The following CYB5A variants were observed in gnomAD, a reference collection of about 807,000 sequenced individuals.
The protein encoded by CYB5A is cytochrome b5.
CYB5A carries 10 observed loss-of-function variants against 16.2 expected under a neutral mutation model. The observed-to-expected ratio is 0.62, with a 90% CI of 0.38 to 1.04. The LOEUF (loss-of-function observed/expected upper bound fraction) is 1.04. Ranked by LOEUF, CYB5A falls within the 50% of genes least tolerant of loss-of-function variation. CYB5A has a pLI of 0.01. For synonymous variants in CYB5A, 62 were observed against 57.0 expected (o/e 1.09, Z -0.40); for missense variants, 161 against 165.9 (o/e 0.97, Z 0.16).
At chr18:74,281,028 C>G (rs1198010698) in intron 1 of CYB5A, among the ~76,000 whole-genome samples, 4 of 152,014 alleles carry the variant, frequency 2.6e-5, no homozygotes, top group Admixed American at 2.6e-4. Flanking sequence ...GATGGAGGCT[C>G]CAACCAGGGG....
intron 3 of CYB5A, chr18:74,256,500 C>T (rs1370087068): frequency 2.8e-6 from 1 of 361,590 alleles, no homozygotes; most frequent in African/African-American, 2.1e-5. Flanking sequence ...AGTGAATGGA[C>T]AATGGTTCTG....
At chr18:74,265,467 G>T (rs780347580) in intron 1 of CYB5A, among the ~76,000 whole-genome samples, 2 of 152,196 alleles carry the variant, frequency 1.3e-5, no homozygotes, top group African/African-American at 4.8e-5. Context: ...GGGAAAACAC[G>T]CATGTAGTTT....
At position 74,260,916 on chromosome 18, in the gene CYB5A, G is replaced by T; in HGVS notation, c.287C>A (p.Pro96Gln). The T allele has an allele frequency of 6.2e-7, 1 of 1,611,732 alleles. No homozygotes were observed. The highest frequency in any genetic ancestry group is 8.5e-7 in the Non-Finnish European group (1 of 1,177,960). ...GATACTTGAGATGGTCACACTTACC[G>T]GAGGCTTGTTTAACTTTGGTCTGTC... ...PDDRPKLNKP[P>Q]ETLITTIDSS... is the part of the protein sequence containing the mutation. The change falls in exon 3 of 5, where the codon CCG becomes CAG. Residue 96 changes from proline to glutamine, a missense_variant and splice_region_variant. Pro to Gln is a moderately conservative substitution (Grantham distance 76). Transcript: ENST00000340533.
At chr18:74,265,076 G>A (rs997323302) in intron 1 of CYB5A, among the ~76,000 whole-genome samples, 2 of 152,196 alleles carry the variant, frequency 1.3e-5, no homozygotes, top group Non-Finnish European at 2.9e-5. Flanking sequence ...GTCGACTGTG[G>A]TCAGTCCTTA....
At chr18:74,258,338 G>A (rs1982068521) in intron 3 of CYB5A, 1 of 152,178 alleles carries the variant, frequency 6.6e-6, no homozygotes, top group South Asian at 2.1e-4. Flanking sequence ...CCAAGAAGGG[G>A]TATTGCTACG....
intron 1 of CYB5A, among the ~76,000 whole-genome samples, chr18:74,268,623 CCA>C (rs1982542970): frequency 6.6e-6 from 1 of 152,018 alleles, no homozygotes; most frequent in Non-Finnish European, 1.5e-5. Flanking sequence ...TGCAGCCACT[CCA>C]GAGGGTAGGG....
intron 1 of CYB5A, among the ~76,000 whole-genome samples, chr18:74,289,776 CAA>C (rs531814328): frequency 0.43 from 39,143 of 90,432 alleles, 6,112 homozygotes; most frequent in African/African-American, 0.56. Flanking sequence ...AACTCTGTCT[CAA>C]AAAAAAAAAA....
At chr18:74,284,478 C>G (rs77467869) in intron 1 of CYB5A, among the ~76,000 whole-genome samples, 1 of 151,966 alleles carries the variant, frequency 6.6e-6, no homozygotes, top group Non-Finnish European at 1.5e-5. Context: ...CTGAGGAAGA[C>G]GAGGGAAAGA....
chr18:74,289,819 T>C (rs1015530150), intron 1 of CYB5A, among the ~76,000 whole-genome samples: 1 of 148,076 alleles, frequency 6.8e-6, no homozygotes, highest in Admixed American at 6.7e-5. Flanking sequence ...GTGGTACCGG[T>C]CATCTAGTGG....
chr18:74,262,427 G>T (rs1481943024), intron 2 of CYB5A, among the ~76,000 whole-genome samples: 4 of 145,164 alleles, frequency 2.8e-5, no homozygotes, highest in Non-Finnish European at 4.5e-5. Context: ...CTGCACTCCA[G>T]CCTGGGCAAC....
chr18:74,260,730 T>C (rs1034967798), intron 3 of CYB5A, 185 bp downstream of exon 3: 2 of 670,696 alleles, frequency 3.0e-6, no homozygotes, highest in Non-Finnish European at 5.5e-6. Flanking sequence ...CACGCCATCC[T>C]AACAAATCAT....
intron 1 of CYB5A, among the ~76,000 whole-genome samples, chr18:74,265,178 TCTAAACATAC>T (rs1401982240): frequency 6.6e-6 from 1 of 152,208 alleles, no homozygotes; most frequent in African/African-American, 2.4e-5. Context: ...TCCTACTTGG[TCTAAACATAC>T]CTAGTGCTAA....
chr18:74,282,215 C>T (rs9959887), intron 1 of CYB5A, among the ~76,000 whole-genome samples: 3 of 152,282 alleles, frequency 2.0e-5, no homozygotes, highest in South Asian at 2.1e-4. Context: ...CCAAGGCCTA[C>T]AGAGTAAGAA....
rs563403479 is a variant in CYB5A at position 74,278,105 on chromosome 18, C to A, written c.129+13642G>T. The stretch of plus-strand genomic sequence containing the variant: ...CACTTGTGTGGACCCTTCTAAAGCT[C>A]ATAAGCCCAAGAGGCAGGCATTACC... On this transcript the variant is annotated intron_variant, in intron 1 of 4. Coordinates refer to ENST00000340533, the MANE Select transcript of CYB5A (RefSeq NM_148923.4). Among the ~76,000 whole-genome samples, 11 of 152,296 alleles carry A rather than the reference C, an allele frequency of 7.2e-5. No individual in the cohort carries two copies. The South Asian group carries it at 1.9e-3, about 26-fold the overall frequency.
At chr18:74,255,096 C>G (rs927814996) in intron 4 of CYB5A, among the ~76,000 whole-genome samples, 2 of 152,100 alleles carry the variant, frequency 1.3e-5, no homozygotes, top group African/African-American at 4.8e-5. Context: ...TGAAATACTG[C>G]CTGCAGGCAG....
intron 1 of CYB5A, among the ~76,000 whole-genome samples, chr18:74,277,237 G>A (rs546304062): frequency 5.9e-5 from 9 of 152,272 alleles, no homozygotes; most frequent in South Asian, 2.1e-4. Flanking sequence ...TTTCTAAGAC[G>A]GGAAAGGGTG....
intron 1 of CYB5A, among the ~76,000 whole-genome samples, chr18:74,269,278 A>G (rs764269698): frequency 3.9e-5 from 5 of 127,012 alleles, no homozygotes; most frequent in Admixed American, 8.9e-5. Flanking sequence ...TGCCTTCTTT[A>G]TTTGACTTCC....
intron 3 of CYB5A, chr18:74,257,181 G>A (rs1353046348): frequency 2.9e-6 from 1 of 348,980 alleles, no homozygotes; most frequent in Non-Finnish European, 5.3e-6. Flanking sequence ...TCGTTAAAAT[G>A]AGGGCAGGCA....
intron 1 of CYB5A, among the ~76,000 whole-genome samples, chr18:74,288,132 T>C (rs1188132704): frequency 6.6e-6 from 1 of 152,232 alleles, no homozygotes; most frequent in African/African-American, 2.4e-5. Context: ...CTTAGGTTTC[T>C]ACCCCTCCGC....
Sources: allele counts gnomAD v4.1 joint callset (sites outside exome capture counted in the v4.1 genomes callset), GRCh38; gene constraint gnomAD v4.1.1; transcripts MANE v1.5; gene names NCBI Gene and HGNC (gene_info 2026-07-23, HGNC 2026-07-21).